Variants in VWC2L observed in about 807,000 individuals in gnomAD.
VWC2L encodes von Willebrand factor C domain containing 2 like.
Under a neutral mutation model 21.6 loss-of-function variants are expected in VWC2L, and 10 were observed. That is an observed-to-expected ratio of 0.46 (90% CI 0.29 to 0.78). VWC2L has a LOEUF of 0.78. Among genes scored for constraint, VWC2L ranks in the 30% least tolerant of loss-of-function variants. VWC2L has a pLI of 0.10. For synonymous variants in VWC2L, 96 were observed against 94.3 expected, an observed-to-expected ratio of 1.02 and a Z score of -0.10; for missense variants, 209 against 277.1, an observed-to-expected ratio of 0.75 and a Z score of 1.74.
At chr2:214,563,534 A>G (rs12989051) in intron 3 of VWC2L, among the ~76,000 whole-genome samples, 94,742 of 134,956 alleles carry the variant, frequency 0.7, 35,046 homozygotes, top group East Asian at 0.84. Flanking sequence ...GTGACACAGC[A>G]AGACTCCGTC....
intron 3 of VWC2L, among the ~76,000 whole-genome samples, chr2:214,480,510 G>A (rs545615219): frequency 6.6e-6 from 1 of 152,102 alleles, no homozygotes; most frequent in Non-Finnish European, 1.5e-5. Flanking sequence ...AAAGAATCAC[G>A]CTCAGTTTAG....
At chr2:214,478,184 T>C (rs914592979) in intron 3 of VWC2L, among the ~76,000 whole-genome samples, 3 of 152,218 alleles carry the variant, frequency 2.0e-5, no homozygotes, top group African/African-American at 7.2e-5. Flanking sequence ...AATTTCATCC[T>C]ATTAAATTGT....
intron 3 of VWC2L, among the ~76,000 whole-genome samples, chr2:214,496,253 C>T (rs537050058): frequency 4.2e-5 from 4 of 94,580 alleles, no homozygotes; most frequent in Non-Finnish European, 1.0e-4. Context: ...TCTTATGGGA[C>T]AACTCTCATA....
chr2:214,482,631 T>A (rs1688622935), intron 3 of VWC2L, among the ~76,000 whole-genome samples: 1 of 149,322 alleles, frequency 6.7e-6, no homozygotes. Context: ...AAATTTAATA[T>A]TAAAAGTTAA....
chr2:214,416,232 C>G lies in VWC2L; in HGVS notation c.390+1649C>G, dbSNP rs191326757. Among the ~76,000 whole-genome samples, 40 of 152,068 alleles carry G rather than the reference C, an allele frequency of 2.6e-4. 1 individual carries two copies. The East Asian group carries it at 7.3e-3, about 28-fold the overall frequency. On this transcript the variant is annotated intron_variant, in intron 2 of 3. Coordinates refer to ENST00000312504, the MANE Select transcript of VWC2L (RefSeq NM_001080500.4). ...CTAACTTAACTCACTATTGAAAATGCTATAGTTTTCCCTCTATTTATTAGA... is the reference window on the plus strand; with the variant it reads ...CTAACTTAACTCACTATTGAAAATGGTATAGTTTTCCCTCTATTTATTAGA...
intron 2 of VWC2L, among the ~76,000 whole-genome samples, chr2:214,424,449 C>G (rs1702492327): frequency 6.6e-6 from 1 of 152,106 alleles, no homozygotes; most frequent in Admixed American, 6.5e-5. Flanking sequence ...GATTTTAAAG[C>G]CGGCCCTACC....
chr2:214,494,095 C>T (rs1688779896), intron 3 of VWC2L, among the ~76,000 whole-genome samples: 1 of 151,914 alleles, frequency 6.6e-6, no homozygotes, highest in African/African-American at 2.4e-5. Context: ...CTCCATTTTG[C>T]TACAATTACA....
At chr2:214,488,409 G>A (rs982168586) in intron 3 of VWC2L, among the ~76,000 whole-genome samples, 1 of 152,058 alleles carries the variant, frequency 6.6e-6, no homozygotes, top group Non-Finnish European at 1.5e-5. Context: ...ACCAGCCGTG[G>A]CAACATGGCA....
Position 214,575,487 on chromosome 2 carries a change from T to C in VWC2L, c.521-185T>C, listed in dbSNP as rs16852045. On this transcript the variant is annotated intron_variant, in intron 3 of 3. Coordinates refer to ENST00000312504, the MANE Select transcript of VWC2L (RefSeq NM_001080500.4). ...CACAATATACACGGGAAATATGAGC[T>C]GTGTGCAAAAGGTAGCAGAGTTGCA... is the stretch of plus-strand genomic sequence containing the variant. Among the ~76,000 whole-genome samples, 219 of 152,272 alleles carry C rather than the reference T, an allele frequency of 1.4e-3. 1 individual carries two copies. The highest frequency in any genetic ancestry group is 5.1e-3 in the African/African-American group (213 of 41,554).
rs74703235 is a variant in VWC2L at position 214,451,172 on chromosome 2, C to T, written c.520+14414C>T. Among the ~76,000 whole-genome samples the T allele has an allele frequency of 1.2e-3, 190 of 152,066 alleles. 4 individuals carry two copies. The East Asian group carries it at 0.031, about 25-fold the overall frequency. On this transcript the variant is annotated intron_variant, in intron 3 of 3. Coordinates refer to ENST00000312504, the MANE Select transcript of VWC2L (RefSeq NM_001080500.4). ...TCAATCAGAAAATTTGGGACTGGGA[C>T]CCGCATTCTATGTCTTAACAAGGCC...
intron 3 of VWC2L, among the ~76,000 whole-genome samples, chr2:214,441,624 A>G (rs1702764290): frequency 6.6e-6 from 1 of 151,950 alleles, no homozygotes. Context: ...CACCTTTTGT[A>G]CTTTTTCCCA....
At chr2:214,515,839 G>A (rs184922821) in intron 3 of VWC2L, among the ~76,000 whole-genome samples, 5 of 152,282 alleles carry the variant, frequency 3.3e-5, no homozygotes, top group African/African-American at 4.8e-5. Context: ...ACAGGCCAGC[G>A]TGTACAGGGA....
intron 3 of VWC2L, among the ~76,000 whole-genome samples, chr2:214,569,994 C>T (rs1360639029): frequency 4.6e-5 from 7 of 151,858 alleles, no homozygotes; most frequent in Non-Finnish European, 8.8e-5. Flanking sequence ...AAAAAAACTG[C>T]TCAGCTCTTA....
intron 3 of VWC2L, among the ~76,000 whole-genome samples, chr2:214,547,144 A>T (rs1689721402): frequency 6.6e-6 from 1 of 152,132 alleles, no homozygotes; most frequent in African/African-American, 2.4e-5. Context: ...GCTAATATAT[A>T]TGCAGAAGTA....
At chr2:214,439,723 T>C (rs1409047422) in intron 3 of VWC2L, among the ~76,000 whole-genome samples, 1 of 151,886 alleles carries the variant, frequency 6.6e-6, no homozygotes, top group Non-Finnish European at 1.5e-5. Context: ...ATATTAAAGA[T>C]ATAAACTTTT....
chr2:214,447,932 G>C (rs746474309), intron 3 of VWC2L, among the ~76,000 whole-genome samples: 3 of 151,960 alleles, frequency 2.0e-5, no homozygotes, highest in Non-Finnish European at 4.4e-5. Context: ...TCTTAGGACT[G>C]ATCTCATGAT....
intron 3 of VWC2L, among the ~76,000 whole-genome samples, chr2:214,484,978 C>T (rs1275181650): frequency 2.6e-5 from 4 of 152,054 alleles, no homozygotes; most frequent in African/African-American, 9.7e-5. Flanking sequence ...TATTAAGGAC[C>T]TGTTTGAAAC....
chr2:214,550,438 A>AC (rs1689775644), intron 3 of VWC2L, among the ~76,000 whole-genome samples: 3 of 152,206 alleles, frequency 2.0e-5, no homozygotes, highest in Admixed American at 6.5e-5. Flanking sequence ...TCCAACACTT[A>AC]TTACCAAAAA....
intron 3 of VWC2L, among the ~76,000 whole-genome samples, chr2:214,485,626 C>A (rs946817093): frequency 6.6e-6 from 1 of 152,204 alleles, no homozygotes; most frequent in Admixed American, 6.5e-5. Context: ...TAGTAGGAGG[C>A]TAACATTCAC....
Sources: allele counts gnomAD v4.1 joint callset (sites outside exome capture counted in the v4.1 genomes callset), GRCh38; gene constraint gnomAD v4.1.1; transcripts MANE v1.5; gene names NCBI Gene and HGNC (gene_info 2026-07-23, HGNC 2026-07-21).